UTS2: variants seen among roughly 807,000 people sequenced by gnomAD.
UTS2 encodes the protein urotensin-2.
UTS2 carries 10 observed loss-of-function variants against 12.6 expected under a neutral mutation model. The ratio of observed to expected loss-of-function variants is 0.80; its 90% confidence interval spans 0.49 to 1.35. The LOEUF is 1.35. Among genes scored for constraint, UTS2 ranks in the 40% most tolerant of loss-of-function variants. The pLI, the probability that UTS2 is intolerant of heterozygous loss-of-function variation, is 0.00. For synonymous variants in UTS2, 52 were observed against 50.0 expected (o/e 1.04, Z -0.17); for missense variants, 142 against 143.2 (o/e 0.99, Z 0.04).
At chr1:7,903,417 C>T in the UTS2 span, among the ~76,000 whole-genome samples, 6 of 151,466 alleles carry the variant, frequency 4.0e-5, no homozygotes, top group Middle Eastern at 3.4e-3. Flanking sequence ...GAGACAATCT[C>T]GCTCTGTCGC....
chr1:7,858,288 G>T (rs1185717263), upstream of UTS2, among the ~76,000 whole-genome samples: 3 of 152,180 alleles, frequency 2.0e-5, no homozygotes, highest in Non-Finnish European at 4.4e-5. Context: ...AAGCAGCATG[G>T]CTTCACATCT....
At chr1:7,853,099 T>A (rs1157607284), upstream of UTS2, 53 of 1,495,516 alleles carry the variant, frequency 3.5e-5, no homozygotes, top group Non-Finnish European at 4.6e-5. Context: ...ATATATATCA[T>A]CCTATGACCT....
At chr1:7,884,259 T>C in the UTS2 span, among the ~76,000 whole-genome samples, 2 of 152,256 alleles carry the variant, frequency 1.3e-5, no homozygotes, top group South Asian at 2.1e-4. Context: ...TTAAAGAACA[T>C]GTTTTCTGTG....
upstream of UTS2, chr1:7,853,302 C>G (rs768043417): frequency 5.6e-6 from 9 of 1,614,034 alleles, no homozygotes; most frequent in East Asian, 2.0e-4. Flanking sequence ...AAAGAGGCAA[C>G]TTACAGCAAT....
At chr1:7,901,309 T>G in the UTS2 span, among the ~76,000 whole-genome samples, 2 of 152,172 alleles carry the variant, frequency 1.3e-5, no homozygotes, top group East Asian at 3.9e-4. Flanking sequence ...AAGAATGGAT[T>G]GGATTCTAGA....
At chr1:7,883,643 A>G in the UTS2 span, among the ~76,000 whole-genome samples, 3,116 of 152,262 alleles carry the variant, frequency 0.02, 90 homozygotes, top group African/African-American at 0.071. Context: ...AAAATATCAC[A>G]TGTACTGATA....
chr1:7,864,483 T>C, the UTS2 span, among the ~76,000 whole-genome samples: 1 of 152,234 alleles, frequency 6.6e-6, no homozygotes, highest in African/African-American at 2.4e-5. Flanking sequence ...CAGTGGCCTC[T>C]GGTCCCTTCT....
chr1:7,892,675 C>A, the UTS2 span, among the ~76,000 whole-genome samples: 1 of 151,554 alleles, frequency 6.6e-6, no homozygotes, highest in South Asian at 2.1e-4. Context: ...GGCGGGGAGG[C>A]GGGATATTGC....
the UTS2 span, among the ~76,000 whole-genome samples, chr1:7,872,047 A>G: frequency 5.8e-3 from 883 of 152,252 alleles, 5 homozygotes; most frequent in Non-Finnish European, 8.6e-3. Context: ...CACGCCTGTA[A>G]TCCCAGCACT....
the UTS2 span, among the ~76,000 whole-genome samples, chr1:7,859,903 G>T: frequency 6.6e-6 from 1 of 152,146 alleles, no homozygotes; most frequent in Non-Finnish European, 1.5e-5. Flanking sequence ...GGAGGCTGAG[G>T]AGAGAGGATG....
At chr1:7,894,425 C>T in the UTS2 span, among the ~76,000 whole-genome samples, 2 of 152,002 alleles carry the variant, frequency 1.3e-5, no homozygotes, top group South Asian at 2.1e-4. Flanking sequence ...CCACCCTCCT[C>T]GGCCTCCCAA....
chr1:7,867,112 C>T, the UTS2 span, among the ~76,000 whole-genome samples: 1 of 152,062 alleles, frequency 6.6e-6, no homozygotes, highest in Non-Finnish European at 1.5e-5. Context: ...TCAGGTGATC[C>T]GCCCGCCTCG....
At chr1:7,854,572 G>A (rs1431704424), upstream of UTS2, among the ~76,000 whole-genome samples, 1 of 149,668 alleles carries the variant, frequency 6.7e-6, no homozygotes. Context: ...AACTACTAGG[G>A]GAAAAAACAT....
chr1:7,856,665 G>A (rs1239790388), upstream of UTS2, among the ~76,000 whole-genome samples: 1 of 152,290 alleles, frequency 6.6e-6, no homozygotes, highest in Non-Finnish European at 1.5e-5. Context: ...AATCACTTAA[G>A]ACTTGTTAAC....
chr1:7,850,704 G>T, intron 2 of UTS2, 108 bp downstream of exon 2: 1 of 1,125,850 alleles, frequency 8.9e-7, no homozygotes. Context: ...ATTTTATATA[G>T]CTCATCTTTA....
chr1:7,890,159 C>G, the UTS2 span, among the ~76,000 whole-genome samples: 3 of 151,588 alleles, frequency 2.0e-5, no homozygotes, highest in African/African-American at 2.4e-5. Context: ...TTTAAGCTCT[C>G]TTTAAAAATA....
intron 1 of UTS2, 39 bp from the exon 2 acceptor site, chr1:7,850,961 C>T (rs2097413487): frequency 5.0e-6 from 8 of 1,596,776 alleles, no homozygotes; most frequent in Middle Eastern, 1.7e-4. Flanking sequence ...TGGGTTCATC[C>T]TTCAGTTAGT....
At chr1:7,909,955 T>C in the UTS2 span, among the ~76,000 whole-genome samples, 1 of 152,150 alleles carries the variant, frequency 6.6e-6, no homozygotes, top group East Asian at 1.9e-4. Flanking sequence ...CACAGTACAG[T>C]CATTTTCATC....
Position 7,847,911 on chromosome 1 carries a change from CA to C in UTS2, c.259-30del, listed in dbSNP as rs531416825. On this transcript the variant is annotated intron_variant, in intron 3 of 3. Coordinates refer to ENST00000361696, the MANE Select transcript of UTS2 (RefSeq NM_006786.4). ...AAACAATCCAAACGAACAACAACAA[CA>C]AAAAAAAACAGATAAGTTACCAACG... The C allele has an allele frequency of 1.2e-4, 168 of 1,391,374 alleles. 1 individual carries two copies. The highest frequency in any genetic ancestry group is 3.8e-4 in the South Asian group (30 of 78,544). The allele number at this position is 1,391,374 out of a possible 1,614,324, so 86.2% of individuals were successfully genotyped here.
Sources: gnomAD v4.1 joint callset for allele counts (sites outside exome capture counted in the v4.1 genomes callset) on GRCh38, gnomAD v4.1.1 for gene constraint, MANE v1.5 for transcripts, NCBI Gene and HGNC (gene_info 2026-07-23, HGNC 2026-07-21) for gene names.